The following ENPP7 variants were observed in gnomAD, a reference collection of about 807,000 sequenced individuals.
ENPP7 encodes the protein ectonucleotide pyrophosphatase/phosphodiesterase 7.
Under a neutral mutation model 33.6 loss-of-function variants are expected in ENPP7, and 39 were observed. The ratio of observed to expected loss-of-function variants is 1.16; its 90% CI spans 0.90 to 1.52. The LOEUF is 1.52. Ranked by LOEUF, ENPP7 falls within the 40% of genes most tolerant of loss-of-function variation. The pLI is 0.00. For synonymous variants in ENPP7, 244 were observed against 274.3 expected (o/e 0.89, Z 1.09); for missense variants, 594 against 641.0 (o/e 0.93, Z 0.79).
rs782690598 is a variant in ENPP7 at position 79,735,708 on chromosome 17, C to A, written c.1026+39C>A. 1.2e-5 allele frequency: 18 copies of A among 1,550,654 alleles called. No homozygotes were observed. In the South Asian group the frequency reaches 1.7e-4, roughly 15 times the overall value. On this transcript the variant is annotated intron_variant, in intron 3 of 5. Coordinates refer to ENST00000328313, the MANE Select transcript of ENPP7 (RefSeq NM_178543.5). The surrounding 1 kb of genome is among the most constrained non-coding windows in gnomAD (Gnocchi z 5.5). ...TGGAGGCACCACCTCCAGGGGCTCCCTCCCCAGGCTCTGGGTCTTCTTTTT... is the reference window on the plus strand; with the variant it reads ...TGGAGGCACCACCTCCAGGGGCTCCATCCCCAGGCTCTGGGTCTTCTTTTT...
At position 79,738,991 on chromosome 17, in the gene ENPP7, C is replaced by CA. The variant is rs1334219459; in HGVS notation, c.*16+930dup. 6.6e-6 allele frequency: 1 copy of CA among 152,334 alleles called. No individual in the cohort carries two copies. The highest frequency in any genetic ancestry group is 1.5e-5 in the Non-Finnish European group (1 of 68,108). 9.4% of individuals were successfully genotyped at this position (152,334 alleles called of 1,614,324 possible). A position where few individuals can be genotyped will look rare whatever the true frequency, so the allele number is the denominator to read the frequency against. On this transcript the variant is annotated intron_variant, in intron 5 of 5. Transcript: ENST00000328313. This position sits in a 1 kb window ranked among gnomAD's most constrained non-coding sequence, Gnocchi z 6.2. ...ACACAAAAGCAAATGAATCCACGCA[C>CA]AGAGTGCTCAGATGCTTGTGATGGC...
At chr17:79,736,258 C>T (rs145221843) in intron 3 of ENPP7, among the ~76,000 whole-genome samples, 1 of 152,294 alleles carries the variant, frequency 6.6e-6, no homozygotes, top group African/African-American at 2.4e-5. Context: ...AGGCTGGTCT[C>T]AAACTCCTGG....
intron 1 of ENPP7, among the ~76,000 whole-genome samples, chr17:79,732,636 C>T (rs958298856): frequency 1.3e-5 from 2 of 152,192 alleles, no homozygotes; most frequent in African/African-American, 4.8e-5. Flanking sequence ...CCTCTCCCCA[C>T]GTCTCCCCAG....
intron 1 of ENPP7, 71 bp from the exon 2 acceptor site, chr17:79,733,437 C>T: frequency 6.6e-7 from 1 of 1,525,694 alleles, no homozygotes; most frequent in Non-Finnish European, 9.0e-7. Flanking sequence ...TTCGCCTCTT[C>T]CAGCCCTGGG....
Position 79,737,314 on chromosome 17 carries a change from C to T in ENPP7, c.1246+54C>T, listed in dbSNP as rs2094297848. ...CTGCTCTGGTGTGTACACGTGTGCA[C>T]ACGAGGGTGCCTGCATGCCTGTGAC... On this transcript the variant is annotated intron_variant, in intron 4 of 5. Coordinates refer to ENST00000328313, the MANE Select transcript of ENPP7 (RefSeq NM_178543.5). The surrounding 1 kb of genome is among the most constrained non-coding windows in gnomAD (Gnocchi z 5.5). 1.8e-5 allele frequency: 26 copies of T among 1,447,816 alleles called. No individual in the cohort carries two copies. The highest frequency in any genetic ancestry group is 2.4e-5 in the Non-Finnish European group (26 of 1,066,446). 89.7% of individuals were successfully genotyped at this position (1,447,816 alleles called of 1,614,324 possible).
intron 1 of ENPP7, among the ~76,000 whole-genome samples, chr17:79,732,695 A>T (rs2094288725): frequency 1.3e-5 from 2 of 152,164 alleles, no homozygotes; most frequent in South Asian, 4.1e-4. Flanking sequence ...TCCTCTTCTC[A>T]CTAGTACACC....
Position 79,739,943 on chromosome 17 carries a change from G to C in ENPP7, c.*17-1851G>C, listed in dbSNP as rs1204709844. ...GCGGTGGCTTCCGCCTGGAACCCCA[G>C]TACTTCCAGAGGCCGACGCAGGAGG... On this transcript the variant is annotated intron_variant, in intron 5 of 5. Coordinates refer to ENST00000328313, the MANE Select transcript of ENPP7 (RefSeq NM_178543.5). The surrounding 1 kb of genome is among the most constrained non-coding windows in gnomAD (Gnocchi z 4.4). Among the ~76,000 whole-genome samples the C allele has an allele frequency of 6.6e-6, 1 of 152,218 alleles. No homozygotes were observed. Among genetic ancestry groups the C allele is most frequent in the Non-Finnish European group, 1.5e-5 (1 of 68,046 alleles).
chr17:79,737,675 GACA>G lies in ENPP7; in HGVS notation c.1247-239_1247-237del, dbSNP rs1243445897. Among the ~76,000 whole-genome samples, 2 of 152,184 alleles carry G rather than the reference GACA, an allele frequency of 1.3e-5. No homozygotes were observed. Among genetic ancestry groups the G allele is most frequent in the Non-Finnish European group, 2.9e-5 (2 of 68,034 alleles). ...CCACTGGAACCTGCCCCATCTTGGGGACAAAGGCCACCTGGAAACTGACAAGGT... is the reference window on the plus strand; with the variant it reads ...CCACTGGAACCTGCCCCATCTTGGGGAAGGCCACCTGGAAACTGACAAGGT... On this transcript the variant is annotated intron_variant, in intron 4 of 5. Coordinates refer to ENST00000328313, the MANE Select transcript of ENPP7 (RefSeq NM_178543.5). This position sits in a 1 kb window ranked among gnomAD's most constrained non-coding sequence, Gnocchi z 5.5.
chr17:79,730,990 C>A lies in ENPP7; in HGVS notation c.-150C>A. 1.3e-6 allele frequency: 1 copy of A among 796,486 alleles called. No homozygotes were observed. The highest frequency in any genetic ancestry group is 1.9e-6 in the Non-Finnish European group (1 of 518,004). 49.3% of individuals were successfully genotyped at this position (796,486 alleles called of 1,614,324 possible). On this transcript the variant is annotated 5_prime_UTR_variant, in exon 1 of 6. Coordinates refer to ENST00000328313, the MANE Select transcript of ENPP7 (RefSeq NM_178543.5). Reference sequence around the variant, plus strand: ...GGGTGGCACTGACACGGCTGGGGAGCCCACTCCCGAGGTTCGACCCGGGGA... The same window carrying A: ...GGGTGGCACTGACACGGCTGGGGAGACCACTCCCGAGGTTCGACCCGGGGA...
intron 1 of ENPP7, 51 bp from the exon 2 acceptor site, chr17:79,733,457 C>G: frequency 6.3e-7 from 1 of 1,584,930 alleles, no homozygotes; most frequent in Non-Finnish European, 8.6e-7. Context: ...GTCCGGCCTT[C>G]GCTGTGACCC....
rs78978394 is a variant in ENPP7, at chr17:79,733,115, G to A, written c.254-393G>A. 1.4e-3 allele frequency among the ~76,000 whole-genome samples: 219 copies of A among 152,290 alleles called. 1 individual carries two copies. The highest frequency in any genetic ancestry group is 4.9e-3 in the African/African-American group (203 of 41,554). ...CTGCCTGGGATCTCGTCTGATGGCT[G>A]GGCCATCATTTATTTAATGAGTTCC... On this transcript the variant is annotated intron_variant, in intron 1 of 5. Coordinates refer to ENST00000328313, the MANE Select transcript of ENPP7 (RefSeq NM_178543.5).
At chr17:79,731,872 C>T (rs1315304430) in intron 1 of ENPP7, among the ~76,000 whole-genome samples, 3 of 152,062 alleles carry the variant, frequency 2.0e-5, no homozygotes, top group South Asian at 4.2e-4. Context: ...CTGAGGCGGG[C>T]GGATCACTGG....
At chr17:79,733,311 G>C in intron 1 of ENPP7, among the ~76,000 whole-genome samples, 197 bp from the exon 2 acceptor site, 1 of 152,230 alleles carries the variant, frequency 6.6e-6, no homozygotes, top group East Asian at 1.9e-4. Context: ...ATTTGTCTCA[G>C]ACATGACCTC....
chr17:79,735,792 T>G lies in ENPP7; in HGVS notation c.1026+123T>G. ...CAGGCTGGAGTGCAATGGCAGGATC[T>G]CAGCTCACTGCAGCCTTAAACTCCC... On this transcript the variant is annotated intron_variant, in intron 3 of 5. Coordinates refer to ENST00000328313, the MANE Select transcript of ENPP7 (RefSeq NM_178543.5). The surrounding 1 kb of genome is among the most constrained non-coding windows in gnomAD (Gnocchi z 5.5). 1 of 888,956 alleles carries G rather than the reference T, an allele frequency of 1.1e-6. No individual in the cohort carries two copies. Among genetic ancestry groups the G allele is most frequent in the Non-Finnish European group, 1.7e-6 (1 of 592,934 alleles). The allele number at this position is 888,956 out of a possible 1,614,324, so 55.1% of individuals were successfully genotyped here.
intron 3 of ENPP7, 110 bp from the exon 4 acceptor site, chr17:79,736,931 C>A: frequency 1.2e-6 from 1 of 811,710 alleles, no homozygotes; most frequent in Non-Finnish European, 2.0e-6. Flanking sequence ...CCCCTCCAGC[C>A]CTCACGTTGG....
intron 5 of ENPP7, among the ~76,000 whole-genome samples, chr17:79,741,216 T>C (rs1905500796): frequency 6.6e-6 from 1 of 152,202 alleles, no homozygotes; most frequent in Non-Finnish European, 1.5e-5. Context: ...CTCAAACTCC[T>C]GGCCTCAAGC....
At chr17:79,740,092 G>A (rs1189378897) in intron 5 of ENPP7, among the ~76,000 whole-genome samples, 4 of 152,248 alleles carry the variant, frequency 2.6e-5, no homozygotes, top group African/African-American at 9.6e-5. Flanking sequence ...CTACTGGCAG[G>A]GAGACTGAGG....
chr17:79,731,014 G>A lies in ENPP7; in HGVS notation c.-126G>A. ...GCCCACTCCCGAGGTTCGACCCGGGGATGTGCACAGCCACATTCCAAAGGC... is the reference window on the plus strand; with the variant it reads ...GCCCACTCCCGAGGTTCGACCCGGGAATGTGCACAGCCACATTCCAAAGGC... On this transcript the variant is annotated 5_prime_UTR_variant, in exon 1 of 6. Coordinates refer to ENST00000328313, the MANE Select transcript of ENPP7 (RefSeq NM_178543.5). 9.2e-7 allele frequency: 1 copy of A among 1,089,662 alleles called. No individual in the cohort carries two copies. Among genetic ancestry groups the A allele is most frequent in the African/African-American group, 1.6e-5 (1 of 62,986 alleles). The allele number at this position is 1,089,662 out of a possible 1,614,324, so 67.5% of individuals were successfully genotyped here.
chr17:79,734,994 G>A, intron 2 of ENPP7, 49 bp from the exon 3 acceptor site: 1 of 1,584,314 alleles, frequency 6.3e-7, no homozygotes, highest in Non-Finnish European at 8.6e-7. Flanking sequence ...CATGAGACAA[G>A]GGGCAGCCCA....
Sources: gnomAD v4.1 joint callset for allele counts (sites outside exome capture counted in the v4.1 genomes callset) on GRCh38, gnomAD v4.1.1 for gene constraint, Gnocchi (gnomAD v3.1) non-coding constraint, MANE v1.5 for transcripts, NCBI Gene and HGNC (gene_info 2026-07-23, HGNC 2026-07-21) for gene names.